LARGE2: variants seen among roughly 807,000 people sequenced by gnomAD.
LARGE2 encodes the protein xylosyl- and glucuronyltransferase LARGE2.
A neutral mutation model predicts 75.3 loss-of-function variants in LARGE2; 63 were observed. The ratio of observed to expected loss-of-function variants is 0.84; its 90% confidence interval spans 0.68 to 1.03. The LOEUF (loss-of-function observed/expected upper bound fraction) is 1.03, where lower values mean the gene tolerates loss of function less well. Among genes scored for constraint, LARGE2 ranks in the 50% least tolerant of loss-of-function variants. LARGE2 has a pLI of 0.00. For synonymous variants in LARGE2, 428 were observed against 420.1 expected, an observed-to-expected ratio of 1.02 and a Z score of -0.23; for missense variants, 925 against 980.6, an observed-to-expected ratio of 0.94 and a Z score of 0.76.
intron 10 of LARGE2, 82 bp from the exon 11 acceptor site, chr11:45,927,233 A>G: frequency 6.8e-7 from 1 of 1,471,534 alleles, no homozygotes; most frequent in East Asian, 2.3e-5. Context: ...TGGCAGCAGC[A>G]GCTAACTGGG....
chr11:45,923,171 G>C lies in LARGE2; in HGVS notation c.285+4G>C. 1.5e-6 allele frequency: 2 copies of C among 1,333,436 alleles called. No individual in the cohort carries two copies. Among genetic ancestry groups the C allele is most frequent in the Non-Finnish European group, 1.9e-6 (2 of 1,050,922 alleles). 82.6% of individuals were successfully genotyped at this position (1,333,436 alleles called of 1,614,324 possible). A position where few individuals can be genotyped will look rare whatever the true frequency, so the allele number is the denominator to read the frequency against. ...GCCGCCGCCGCCCAAGTGCGAGGTA[G>C]GTGCGCGCGGCCCTGGCGGCGGGAG... On this transcript the variant is annotated splice_donor_region_variant and intron_variant, in intron 2 of 13. Transcript: ENST00000401752.
chr11:45,926,018 A>G (rs1418803494), intron 6 of LARGE2, 21 bp from the exon 7 acceptor site: 36 of 1,545,316 alleles, frequency 2.3e-5, no homozygotes, highest in Admixed American at 3.9e-5. Flanking sequence ...GGTGGGCATG[A>G]CAGCATCTCT....
Position 45,922,677 on chromosome 11 carries a change from C to T in LARGE2, c.-114C>T, listed in dbSNP as rs1009137916. On this transcript the variant is annotated 5_prime_UTR_variant, in exon 1 of 14. Coordinates refer to ENST00000401752, the MANE Select transcript of LARGE2 (RefSeq NM_001300721.2). ...CCGCGCCTCTCCCCTGGTTCCCGCA[C>T]CCTGGCCGGCGGCTGCGAGCGCAGG... The T allele has an allele frequency of 2.8e-5, 10 of 363,022 alleles. No individual in the cohort carries two copies. The Admixed American group carries it at 3.8e-4, about 14-fold the overall frequency. 22.5% of individuals were successfully genotyped at this position (363,022 alleles called of 1,614,324 possible).
Position 45,927,503 on chromosome 11 carries a change from G to A in LARGE2, c.1514G>A (p.Arg505His), listed in dbSNP as rs138912139. 21 of 1,614,062 alleles carry A rather than the reference G, an allele frequency of 1.3e-5. No homozygotes were observed. The highest frequency in any genetic ancestry group is 8.0e-5 in the African/African-American group (6 of 74,944). ...EGPLYPVNQL[R>H]NVALAQALTP... ...CCCCTATACCCCGTCAACCAGCTTC[G>A]CAACGTGGCCTTGGCCCAGGCCCTC... is the stretch of plus-strand genomic sequence containing the variant. The change falls in exon 11 of 14, where the codon CGC (arginine) becomes CAC (histidine). Residue 505 changes from arginine to histidine, a missense_variant. Transcript: ENST00000401752.
chr11:45,924,243 T>C lies in LARGE2; in HGVS notation c.458T>C (p.Val153Ala). The change falls in exon 4 of 14, where the codon GTC (valine) becomes GCC (alanine). Residue 153 changes from valine to alanine, a missense_variant. Val to Ala is a moderately conservative substitution (Grantham distance 64). Coordinates refer to ENST00000401752, the MANE Select transcript of LARGE2 (RefSeq NM_001300721.2). ...TTCCACACATGGATGGTGCCTGCTG[T>C]CCGTGTCAGCTTTTATCATGCCGAC... ...TLFHTWMVPAVRVSFYHADQL... is the reference protein window; with the variant it reads ...TLFHTWMVPAARVSFYHADQL... 6.2e-7 allele frequency: 1 copy of C among 1,613,576 alleles called. No homozygotes were observed. Among genetic ancestry groups the C allele is most frequent in the Non-Finnish European group, 8.5e-7 (1 of 1,180,006 alleles).
chr11:45,928,757 TCCA>T lies in LARGE2; in HGVS notation c.2082_2084del (p.His694del). The T allele has an allele frequency of 6.2e-7, 1 of 1,614,044 alleles. No homozygotes were observed. ...TGCCTCCAGGCCCTCAAGGACGAAT[TCCA>T]CCAGGACTTGTCCCGCCACCATGGG... On this transcript the variant is annotated inframe_deletion, in exon 14 of 14. Coordinates refer to ENST00000401752, the MANE Select transcript of LARGE2 (RefSeq NM_001300721.2).
At position 45,923,985 on chromosome 11, in the gene LARGE2, C is replaced by CAAAAAAA. The variant is rs60577963; in HGVS notation, c.369-137_369-131dup. On this transcript the variant is annotated intron_variant, in intron 3 of 13. Coordinates refer to ENST00000401752, the MANE Select transcript of LARGE2 (RefSeq NM_001300721.2). The stretch of plus-strand genomic sequence containing the variant: ...TGGGCGACAGAGCGAGACTCCGTCT[C>CAAAAAAA]AAAAAAAAAAAAAAAAAAAAAAAAA... Among the ~76,000 whole-genome samples the CAAAAAAA allele has an allele frequency of 4.5e-4, 31 of 69,528 alleles. 1 individual carries two copies. The highest frequency in any genetic ancestry group is 1.5e-3 in the East Asian group (3 of 2,048). The allele number at this position is 69,528 out of a possible 152,430, so 45.6% of individuals were successfully genotyped here.
In LARGE2 at chr11:45,926,019, C is replaced by T. The variant is rs1408313794; in HGVS notation, c.770-20C>T. 1.9e-6 allele frequency: 3 copies of T among 1,545,802 alleles called. No individual in the cohort carries two copies. The highest frequency in any genetic ancestry group is 1.2e-5 in the South Asian group (1 of 83,774). On this transcript the variant is annotated intron_variant, in intron 6 of 13. Coordinates refer to ENST00000401752, the MANE Select transcript of LARGE2 (RefSeq NM_001300721.2). ...AGCTGGTCGTCCCAGGTGGGCATGA[C>T]AGCATCTCTTCATTGGCAGGTGTGA...
rs753926785 is a variant in LARGE2, at chr11:45,926,360, A to G, written c.1008+13A>G. 2 of 1,613,974 alleles carry G rather than the reference A, an allele frequency of 1.2e-6. No individual in the cohort carries two copies. Among genetic ancestry groups the G allele is most frequent in the East Asian group, 2.2e-5 (1 of 44,898 alleles). On this transcript the variant is annotated intron_variant, in intron 8 of 13. Coordinates refer to ENST00000401752, the MANE Select transcript of LARGE2 (RefSeq NM_001300721.2). ...GTCTGACCTCAAGGTGAGTGGGACA[A>G]GAGGCTGTGTGGTGGTGGGGGGCCA...
intron 6 of LARGE2, among the ~76,000 whole-genome samples, chr11:45,925,638 A>G (rs2134735657): frequency 6.6e-6 from 1 of 152,354 alleles, no homozygotes; most frequent in South Asian, 2.1e-4. Context: ...CCTTGGCAAT[A>G]GAGTGAGACT....
chr11:45,922,951 A>T lies in LARGE2; in HGVS notation c.69A>T (p.Gly23=). The T allele has an allele frequency of 7.8e-7, 1 of 1,287,862 alleles. No individual in the cohort carries two copies. Among genetic ancestry groups the T allele is most frequent in the Non-Finnish European group, 9.8e-7 (1 of 1,021,780 alleles). 79.8% of individuals were successfully genotyped at this position (1,287,862 alleles called of 1,614,324 possible). The change falls in exon 2 of 14, where the codon GGA becomes GGT. Residue 23 remains glycine, a synonymous_variant. Coordinates refer to ENST00000401752, the MANE Select transcript of LARGE2 (RefSeq NM_001300721.2). ...AALLLLLLLL[G]FLLFGGDLGC... is the part of the protein sequence containing the mutation. ...TGTTGCTGCTGCTGCTGCTGCTCGG[A>T]TTCCTCCTGTTCGGTGGGGACCTGG...
At position 45,927,369 on chromosome 11, in the gene LARGE2, C is replaced by T; in HGVS notation, c.1380C>T (p.Ala460=). 6.2e-7 allele frequency: 1 copy of T among 1,613,986 alleles called. No individual in the cohort carries two copies. Among genetic ancestry groups the T allele is most frequent in the Non-Finnish European group, 8.5e-7 (1 of 1,180,026 alleles). ...CRHWPGPMSL[A]LYLTDAEAQQ... ...ACTGGCCTGGCCCCATGAGCCTGGC[C>T]TTGTACCTGACAGACGCAGAAGCTC... The change falls in exon 11 of 14, where the codon GCC becomes GCT. Residue 460 remains alanine, a synonymous_variant. Coordinates refer to ENST00000401752, the MANE Select transcript of LARGE2 (RefSeq NM_001300721.2).
chr11:45,928,338 A>C lies in LARGE2; in HGVS notation c.1916A>C (p.Asn639Thr). The C allele has an allele frequency of 6.2e-7, 1 of 1,614,130 alleles. No individual in the cohort carries two copies. The highest frequency in any genetic ancestry group is 8.5e-7 in the Non-Finnish European group (1 of 1,180,018). Residue 639 changes from asparagine (N) to threonine (T), a missense_variant, in exon 13 of 14, where the codon AAC (asparagine) becomes ACC (threonine). Transcript: ENST00000401752. ...CCTCGCTTTGTGGGCTTCGGCTGGA[A>C]CAAAGTGGCCCACATTGTGGAGCTG... ...YDPRFVGFGWNKVAHIVELDA... is the reference protein window; with the variant it reads ...YDPRFVGFGWTKVAHIVELDA...
chr11:45,922,830 T>A lies in LARGE2; in HGVS notation c.-53T>A. Reference sequence around the variant, plus strand: ...GCCCCTCGGTCCGCAGGGCCTGCGATGGAGCCTGCAGCCCCGGGTCGCGTC... The same window carrying A: ...GCCCCTCGGTCCGCAGGGCCTGCGAAGGAGCCTGCAGCCCCGGGTCGCGTC... On this transcript the variant is annotated 5_prime_UTR_variant, in exon 2 of 14. An upstream start codon of the reference 5' UTR is lost. Coordinates refer to ENST00000401752, the MANE Select transcript of LARGE2 (RefSeq NM_001300721.2). 1 of 1,221,652 alleles carries A rather than the reference T, an allele frequency of 8.2e-7. No homozygotes were observed. Among genetic ancestry groups the A allele is most frequent in the Non-Finnish European group, 1.0e-6 (1 of 978,300 alleles). 75.7% of individuals were successfully genotyped at this position (1,221,652 alleles called of 1,614,324 possible).
chr11:45,923,791 C>A (rs1174466379), intron 3 of LARGE2, among the ~76,000 whole-genome samples: 1 of 151,574 alleles, frequency 6.6e-6, no homozygotes, highest in African/African-American at 2.4e-5. Context: ...TCGAGACCAT[C>A]CCGGCTAAAA....
At chr11:45,928,132 G>A (rs377300978) in intron 12 of LARGE2, 45 bp from the exon 13 acceptor site, 57 of 1,612,546 alleles carry the variant, frequency 3.5e-5, no homozygotes, top group Admixed American at 2.8e-4. Flanking sequence ...CACTACCCAC[G>A]AGCTCCTAGC....
chr11:45,922,554 C>G (rs7124434), upstream of LARGE2: 150,803 of 188,514 alleles, frequency 0.8, 63,068 homozygotes, highest in Non-Finnish European at 0.92. Context: ...GGATGCCGGC[C>G]CAAGGGGCGG....
In LARGE2 at chr11:45,927,464, T is replaced by A. The variant is rs1371050297; in HGVS notation, c.1475T>A (p.Val492Glu). Residue 492 changes from valine to glutamate, a missense_variant, in exon 11 of 14, where the codon GTG becomes GAG. This residue lies in a region of LARGE2 where 469 missense variants were observed against 503.8 expected (regional missense o/e 0.93). Coordinates refer to ENST00000401752, the MANE Select transcript of LARGE2 (RefSeq NM_001300721.2). ...AARQDVAYHV[V>E]YREGPLYPVN... ...CGGCAGGACGTGGCCTACCATGTGGTGTACCGTGAGGGGCCCCTATACCCC... is the reference window on the plus strand; with the variant it reads ...CGGCAGGACGTGGCCTACCATGTGGAGTACCGTGAGGGGCCCCTATACCCC... 1 of 1,614,106 alleles carries A rather than the reference T, an allele frequency of 6.2e-7. No individual in the cohort carries two copies. Among genetic ancestry groups the A allele is most frequent in the Non-Finnish European group, 8.5e-7 (1 of 1,180,042 alleles).
At chr11:45,922,356 C>T (rs1319450521), upstream of LARGE2, among the ~76,000 whole-genome samples, 5 of 152,228 alleles carry the variant, frequency 3.3e-5, no homozygotes, top group East Asian at 7.8e-4. Context: ...GACACTGGCC[C>T]CTCCCCTTGG....
Sources: gnomAD v4.1 joint callset for allele counts (sites outside exome capture counted in the v4.1 genomes callset) on GRCh38, gnomAD v4.1.1 for gene constraint, gnomAD v4.1.1 regional missense constraint, MANE v1.5 for transcripts, NCBI Gene and HGNC (gene_info 2026-07-23, HGNC 2026-07-21) for gene names.